Variants in ATP6V0A1 observed in about 807,000 individuals in gnomAD.
ATP6V0A1 encodes the protein V-type proton ATPase 116 kDa subunit a 1.
ATP6V0A1 carries 43 observed loss-of-function variants against 105.4 expected under a neutral mutation model. The ratio of observed to expected loss-of-function variants is 0.41; its 90% CI spans 0.32 to 0.53. The LOEUF is 0.53. Ranked by LOEUF, ATP6V0A1 falls within the 20% of genes least tolerant of loss-of-function variation. The pLI, the probability that ATP6V0A1 is intolerant of heterozygous loss-of-function variation, is 0.30. For missense variants in ATP6V0A1, 676 were observed against 1,051.1 expected (o/e 0.64, Z 4.93); for synonymous variants, 362 against 372.8 (o/e 0.97, Z 0.33).
At chr17:42,517,729 C>G (rs1200726048) in intron 21 of ATP6V0A1, among the ~76,000 whole-genome samples, 8 of 152,146 alleles carry the variant, frequency 5.3e-5, no homozygotes, top group Non-Finnish European at 8.8e-5. Context: ...GGCCCTCTTA[C>G]CAGGGGTGGA....
chr17:42,459,478 C>T (rs919852734), intron 1 of ATP6V0A1, among the ~76,000 whole-genome samples: 1 of 152,208 alleles, frequency 6.6e-6, no homozygotes, highest in African/African-American at 2.4e-5. Flanking sequence ...TGTGATCGTC[C>T]AGAACTACTT....
At chr17:42,505,676 G>T (rs1287261260) in intron 17 of ATP6V0A1, among the ~76,000 whole-genome samples, 1 of 152,080 alleles carries the variant, frequency 6.6e-6, no homozygotes, top group Non-Finnish European at 1.5e-5. Flanking sequence ...GCATTCCATA[G>T]AATATTCCAC....
intron 5 of ATP6V0A1, among the ~76,000 whole-genome samples, chr17:42,475,976 C>T (rs763182100): frequency 2.6e-5 from 4 of 152,164 alleles, no homozygotes; most frequent in African/African-American, 7.2e-5. Flanking sequence ...ACTTAAACCA[C>T]GTCTTGTGAG....
chr17:42,507,342 C>A, intron 17 of ATP6V0A1, 178 bp from the exon 18 acceptor site: 1 of 534,808 alleles, frequency 1.9e-6, no homozygotes, highest in Non-Finnish European at 3.4e-6. Flanking sequence ...GCTGGGGAGG[C>A]GGTGGTTGGG....
At chr17:42,511,956 C>T (rs908862419) in intron 19 of ATP6V0A1, among the ~76,000 whole-genome samples, 10 of 151,592 alleles carry the variant, frequency 6.6e-5, no homozygotes, top group African/African-American at 1.2e-4. Flanking sequence ...AGTGAAACTC[C>T]GTCTCAAAAA....
intron 2 of ATP6V0A1, among the ~76,000 whole-genome samples, chr17:42,465,154 G>A (rs986530660): frequency 2.6e-5 from 4 of 151,828 alleles, no homozygotes; most frequent in South Asian, 2.1e-4. Flanking sequence ...CATCATGCCC[G>A]GCTAATTTTT....
intron 9 of ATP6V0A1, among the ~76,000 whole-genome samples, chr17:42,485,159 C>G (rs1156510725): frequency 6.6e-6 from 1 of 151,980 alleles, no homozygotes; most frequent in African/African-American, 2.4e-5. Context: ...CTGTAACTTC[C>G]ATTTTAACTC....
intron 11 of ATP6V0A1, among the ~76,000 whole-genome samples, chr17:42,494,051 T>G (rs1033457223): frequency 5.9e-5 from 9 of 152,082 alleles, no homozygotes; most frequent in Non-Finnish European, 1.0e-4. Flanking sequence ...GAGACCAGCC[T>G]GGGCAACATG....
At chr17:42,466,295 G>A in intron 2 of ATP6V0A1, 134 bp from the exon 3 acceptor site, 2 of 647,510 alleles carry the variant, frequency 3.1e-6, no homozygotes, top group Non-Finnish European at 5.3e-6. Context: ...TTTTGGATCA[G>A]TAGACAGTTT....
chr17:42,483,402 G>A (rs906573882), intron 9 of ATP6V0A1, among the ~76,000 whole-genome samples: 2 of 151,548 alleles, frequency 1.3e-5, no homozygotes, highest in Non-Finnish European at 1.5e-5. Context: ...TCCACCTCAT[G>A]GGTCTGAGAT....
intron 5 of ATP6V0A1, among the ~76,000 whole-genome samples, chr17:42,476,584 G>A (rs2088778510): frequency 6.6e-6 from 1 of 152,062 alleles, no homozygotes; most frequent in African/African-American, 2.4e-5. Flanking sequence ...GATTGGACTG[G>A]TTTTTGTTTT....
At chr17:42,489,184 A>T (rs892597461) in intron 10 of ATP6V0A1, among the ~76,000 whole-genome samples, 11 of 149,752 alleles carry the variant, frequency 7.3e-5, no homozygotes, top group Non-Finnish European at 1.5e-4. Context: ...GCTTCAAGTG[A>T]TTCTCCTGCC....
rs1260102974 is a variant in ATP6V0A1, at chr17:42,501,265, A to G, written c.1965A>G (p.Pro655=). Residue 655 remains proline, a synonymous_variant, in exon 17 of 22, where the codon CCA becomes CCG. Transcript: ENST00000343619. ...LCVPWMLLFK[P]LVLRRQYLRR... ...TACCTTGGATGCTGCTGTTTAAACC[A>G]TTGGTCCTTCGCCGTCAGTATTTGA... The G allele has an allele frequency of 6.2e-7, 1 of 1,614,090 alleles. No homozygotes were observed. The highest frequency in any genetic ancestry group is 8.5e-7 in the Non-Finnish European group (1 of 1,179,990).
rs140027474 is a variant in ATP6V0A1, at chr17:42,503,889, C to A, written c.2004+2585C>A. ...CTTAAAATACATTTTCAAGTAGGGA[C>A]TTCCCTGTGAGACATTTAACAAACC... On this transcript the variant is annotated intron_variant, in intron 17 of 21. Coordinates refer to ENST00000343619, the MANE Select transcript of ATP6V0A1 (RefSeq NM_001130021.3). Among the ~76,000 whole-genome samples the A allele has an allele frequency of 1.6e-4, 24 of 152,322 alleles. 1 individual carries two copies. In the East Asian group the frequency reaches 4.4e-3, roughly 28 times the overall value.
intron 5 of ATP6V0A1, among the ~76,000 whole-genome samples, chr17:42,473,748 G>T (rs765072396): frequency 6.6e-6 from 1 of 152,076 alleles, no homozygotes; most frequent in African/African-American, 2.4e-5. Flanking sequence ...GAGAAATTCC[G>T]AATAAAGACT....
At chr17:42,505,646 CTCTT>C (rs1236411551) in intron 17 of ATP6V0A1, among the ~76,000 whole-genome samples, 2 of 152,032 alleles carry the variant, frequency 1.3e-5, no homozygotes, top group African/African-American at 2.4e-5. Context: ...CTGACTATCA[CTCTT>C]TTTTATGGTT....
Position 42,495,683 on chromosome 17 carries a change from G to T in ATP6V0A1, c.1527G>T (p.Val509=). The T allele has an allele frequency of 6.2e-7, 1 of 1,614,126 alleles. No homozygotes were observed. The highest frequency in any genetic ancestry group is 1.1e-5 in the South Asian group (1 of 91,084). Residue 509 remains valine, a synonymous_variant, in exon 14 of 22, where the codon GTG becomes GTT. Transcript: ENST00000343619. ...VLQLNPALPG[V]FGGPYPFGID... is the part of the protein sequence containing the mutation. ...AGCTGAACCCAGCCCTCCCTGGAGT[G>T]TTTGGTGGACCATACCCTTTTGGCA...
At chr17:42,484,855 T>G (rs1248347475) in intron 9 of ATP6V0A1, among the ~76,000 whole-genome samples, 2 of 146,876 alleles carry the variant, frequency 1.4e-5, no homozygotes, top group East Asian at 3.9e-4. Context: ...TTCTTTTCTT[T>G]TTTTTTTTTT....
intron 21 of ATP6V0A1, chr17:42,517,793 A>G (rs541822928): frequency 1.3e-5 from 2 of 152,406 alleles, no homozygotes; most frequent in African/African-American, 4.8e-5. Context: ...TCTTCCTGGC[A>G]TCCATCCTAG....
Sources: gnomAD v4.1 joint callset for allele counts (sites outside exome capture counted in the v4.1 genomes callset) on GRCh38, gnomAD v4.1.1 for gene constraint, MANE v1.5 for transcripts, NCBI Gene and HGNC (gene_info 2026-07-23, HGNC 2026-07-21) for gene names.